The following VAV2 variants were observed in gnomAD, a reference collection of about 807,000 sequenced individuals.
VAV2 encodes the protein guanine nucleotide exchange factor VAV2.
In VAV2, 67 loss-of-function variants were observed where a neutral mutation model predicts 132.5. The ratio of observed to expected loss-of-function variants is 0.51; its 90% CI spans 0.42 to 0.62. The LOEUF (loss-of-function observed/expected upper bound fraction) is 0.62, where lower values mean the gene tolerates loss of function less well. Ranked by LOEUF, VAV2 falls within the 20% of genes least tolerant of loss-of-function variation. The pLI, the probability that VAV2 is intolerant of heterozygous loss-of-function variation, is 0.00. For synonymous variants in VAV2, 492 were observed against 443.5 expected (o/e 1.11, Z -1.37); for missense variants, 938 against 1,153.6 (o/e 0.81, Z 2.71).
At position 133,795,711 on chromosome 9, in the gene VAV2, C is replaced by T. The variant is rs749425031; in HGVS notation, c.1058G>A (p.Arg353Gln). The change falls in exon 12 of 30, where the codon CGG (arginine) becomes CAG (glutamine). Residue 353 changes from arginine (R) to glutamine (Q), a missense_variant. Arg to Gln is a conservative substitution (Grantham distance 43). Coordinates refer to ENST00000371850, the MANE Select transcript of VAV2 (RefSeq NM_001134398.2). ...LKELLSHSAE[R>Q]PERQQLKEAL... is the part of the protein sequence containing the mutation. The stretch of plus-strand genomic sequence containing the variant: ...TTCTTTGAGCTGCTGCCTCTCAGGC[C>T]GTTCCGCAGAATGGCTCAGAAGCTC... The T allele has an allele frequency of 7.4e-6, 12 of 1,614,146 alleles. No individual in the cohort carries two copies. The highest frequency in any genetic ancestry group is 4.5e-5 in the East Asian group (2 of 44,884).
At chr9:133,873,379 C>G (rs1838138704) in intron 2 of VAV2, among the ~76,000 whole-genome samples, 1 of 152,160 alleles carries the variant, frequency 6.6e-6, no homozygotes, top group Non-Finnish European at 1.5e-5. Flanking sequence ...ATACAGATGG[C>G]AAAGGGCGTC....
In VAV2 at chr9:133,961,751, GC is replaced by G. The variant is rs1327010013; in HGVS notation, c.205-22533del. ...AGAAAAGACACAGGACACAACCACG[GC>G]CCAGTGGCTCAGGGAGAAGACCCGG... On this transcript the variant is annotated intron_variant, in intron 1 of 29. Coordinates refer to ENST00000371850, the MANE Select transcript of VAV2 (RefSeq NM_001134398.2). This position sits in a 1 kb window ranked among gnomAD's most constrained non-coding sequence, Gnocchi z 4.1. 6.6e-6 allele frequency among the ~76,000 whole-genome samples: 1 copy of G among 152,138 alleles called. No individual in the cohort carries two copies. Among genetic ancestry groups the G allele is most frequent in the African/African-American group, 2.4e-5 (1 of 41,422 alleles).
At chr9:133,968,347 C>T (rs1441274089) in intron 1 of VAV2, among the ~76,000 whole-genome samples, 1 of 152,086 alleles carries the variant, frequency 6.6e-6, no homozygotes, top group Non-Finnish European at 1.5e-5. Context: ...AAGTGTCACA[C>T]ATACCCCATA....
At chr9:133,908,281 C>T (rs1198004815) in intron 2 of VAV2, among the ~76,000 whole-genome samples, 6 of 152,028 alleles carry the variant, frequency 3.9e-5, no homozygotes, top group African/African-American at 1.4e-4. Context: ...AGCCTGGACC[C>T]GCAGCAGGAA....
chr9:133,848,616 G>A (rs757539306), intron 3 of VAV2, among the ~76,000 whole-genome samples: 2 of 152,252 alleles, frequency 1.3e-5, no homozygotes, highest in Non-Finnish European at 2.9e-5. Flanking sequence ...TTGTCGAAAC[G>A]CCGCTAAGCG....
rs1014687836 is a variant in VAV2, at chr9:133,876,509, G to A, written c.322-15077C>T. 5.3e-5 allele frequency among the ~76,000 whole-genome samples: 8 copies of A among 152,260 alleles called. 1 individual carries two copies. The highest frequency in any genetic ancestry group is 3.8e-4 in the East Asian group (2 of 5,196). On this transcript the variant is annotated intron_variant, in intron 2 of 29. Coordinates refer to ENST00000371850, the MANE Select transcript of VAV2 (RefSeq NM_001134398.2). ...AGGGGCAGAGCCCACGCACAGGCCC[G>A]GAGAGCGGCCATGGCCACACAGGGG... is the stretch of plus-strand genomic sequence containing the variant.
Position 133,961,050 on chromosome 9 carries a change from G to C in VAV2, c.205-21831C>G, listed in dbSNP as rs1350170358. On this transcript the variant is annotated intron_variant, in intron 1 of 29. Coordinates refer to ENST00000371850, the MANE Select transcript of VAV2 (RefSeq NM_001134398.2). The surrounding 1 kb of genome is among the most constrained non-coding windows in gnomAD (Gnocchi z 4.1). The stretch of plus-strand genomic sequence containing the variant: ...CCTGGGAGCGCAGGTGAGGGAGCAG[G>C]GGCCTCCACTGGCCCACACCCGGCA... Among the ~76,000 whole-genome samples the C allele has an allele frequency of 6.6e-6, 1 of 152,226 alleles. No individual in the cohort carries two copies. Among genetic ancestry groups the C allele is most frequent in the Admixed American group, 6.5e-5 (1 of 15,286 alleles).
rs1405875092 is a variant in VAV2 at position 133,823,528 on chromosome 9, T to C, written c.449+10744A>G. On this transcript the variant is annotated intron_variant, in intron 4 of 29. Coordinates refer to ENST00000371850, the MANE Select transcript of VAV2 (RefSeq NM_001134398.2). This position sits in a 1 kb window ranked among gnomAD's most constrained non-coding sequence, Gnocchi z 5.5. ...CACTGTGTGTCAGTCAGATCTACGC[T>C]GAATACAAGGGAAATAACGTCAAAA... 6.6e-6 allele frequency among the ~76,000 whole-genome samples: 1 copy of C among 152,170 alleles called. No homozygotes were observed. Among genetic ancestry groups the C allele is most frequent in the Non-Finnish European group, 1.5e-5 (1 of 68,034 alleles).
intron 2 of VAV2, among the ~76,000 whole-genome samples, chr9:133,893,695 C>T (rs1839076541): frequency 6.6e-6 from 1 of 152,232 alleles, no homozygotes; most frequent in South Asian, 2.1e-4. Flanking sequence ...CCTCCGTCGC[C>T]ACACGGCAGC....
chr9:133,896,181 G>T (rs796264894), intron 2 of VAV2, among the ~76,000 whole-genome samples: 3 of 152,204 alleles, frequency 2.0e-5, no homozygotes, highest in Non-Finnish European at 4.4e-5. Context: ...TAGGTCGGGC[G>T]CAGTGGCTTA....
intron 2 of VAV2, among the ~76,000 whole-genome samples, chr9:133,902,640 T>C (rs1839488954): frequency 6.6e-6 from 1 of 152,102 alleles, no homozygotes; most frequent in Admixed American, 6.5e-5. Flanking sequence ...CTGTGTCCCC[T>C]CAAAAAAGAT....
At chr9:133,841,922 G>A (rs529369059) in intron 3 of VAV2, among the ~76,000 whole-genome samples, 72 of 152,052 alleles carry the variant, frequency 4.7e-4, no homozygotes, top group Non-Finnish European at 8.2e-4. Context: ...AGAGCCAGCC[G>A]CAGTGGGACC....
At chr9:133,916,919 T>G (rs908643857) in intron 2 of VAV2, among the ~76,000 whole-genome samples, 4 of 152,102 alleles carry the variant, frequency 2.6e-5, no homozygotes, top group Admixed American at 2.6e-4. Flanking sequence ...CCTCTAAGCC[T>G]CAGCGTCCCC....
At chr9:133,848,279 CAAAAAAAAA>C (rs34908811) in intron 3 of VAV2, among the ~76,000 whole-genome samples, 12 of 48,626 alleles carry the variant, frequency 2.5e-4, no homozygotes, top group South Asian at 1.7e-3. Flanking sequence ...GACTCCGTCT[CAAAAAAAAA>C]AAAAAAAAAA....
chr9:133,893,562 G>A (rs1299047187), intron 2 of VAV2, among the ~76,000 whole-genome samples: 2 of 152,180 alleles, frequency 1.3e-5, no homozygotes, highest in Admixed American at 1.3e-4. Flanking sequence ...CAAGATGGCC[G>A]ACACCCACTC....
chr9:133,952,970 CGGG>C (rs1841616390), intron 1 of VAV2, among the ~76,000 whole-genome samples: 1 of 140,362 alleles, frequency 7.1e-6, no homozygotes, highest in Non-Finnish European at 1.6e-5. Context: ...GCATGGCCCC[CGGG>C]ACACCTAGAA....
At chr9:133,805,705 T>C (rs7850812) in intron 9 of VAV2, among the ~76,000 whole-genome samples, 25,281 of 152,180 alleles carry the variant, frequency 0.17, 3,834 homozygotes, top group African/African-American at 0.4. Flanking sequence ...GTGCCACCTC[T>C]TTTCATCCTT....
At chr9:133,780,558 T>C (rs1380787832) in intron 20 of VAV2, 136 bp downstream of exon 20, 2 of 1,102,416 alleles carry the variant, frequency 1.8e-6, no homozygotes, top group East Asian at 3.2e-5. Context: ...AGGCATCTTG[T>C]GACCAAAAGT....
At chr9:133,799,127 G>A (rs915797832) in intron 9 of VAV2, among the ~76,000 whole-genome samples, 17 of 152,242 alleles carry the variant, frequency 1.1e-4, no homozygotes, top group Non-Finnish European at 2.4e-4. Context: ...TCTTGATGCA[G>A]GGACAGGTTT....
Sources: gnomAD v4.1 joint callset for allele counts (sites outside exome capture counted in the v4.1 genomes callset) on GRCh38, gnomAD v4.1.1 for gene constraint, Gnocchi (gnomAD v3.1) non-coding constraint, MANE v1.5 for transcripts, NCBI Gene and HGNC (gene_info 2026-07-23, HGNC 2026-07-21) for gene names.